TMEM95: variants seen among roughly 807,000 people sequenced by gnomAD.
TMEM95 encodes transmembrane protein 95.
In TMEM95, 21 loss-of-function variants were observed where a neutral mutation model predicts 27.7. The observed-to-expected ratio is 0.76, with a 90% CI of 0.54 to 1.09. TMEM95 has a LOEUF of 1.09. TMEM95 is among the 50% of genes least tolerant of loss of function. The pLI, the probability that TMEM95 is intolerant of heterozygous loss-of-function variation, is 0.00. For missense variants in TMEM95, 203 were observed against 217.9 expected, an observed-to-expected ratio of 0.93 and a Z score of 0.43; for synonymous variants, 77 against 85.7, an observed-to-expected ratio of 0.90 and a Z score of 0.56.
chr17:7,355,271 C>T lies in TMEM95; in HGVS notation c.67C>T (p.Pro23Ser), dbSNP rs1243236722. 6.2e-7 allele frequency: 1 copy of T among 1,614,044 alleles called. No individual in the cohort carries two copies. The highest frequency in any genetic ancestry group is 8.5e-7 in the Non-Finnish European group (1 of 1,179,954). The change falls in exon 1 of 7, where the codon CCA becomes TCA. Residue 23 changes from proline to serine, a missense_variant. Coordinates refer to ENST00000576060, the MANE Select transcript of TMEM95 (RefSeq NM_001320436.2). The surrounding 1 kb of genome is among the most constrained non-coding windows in gnomAD (Gnocchi z 4.9). The stretch of plus-strand genomic sequence containing the variant: ...CCAGGCTTGTGTCTTCTGTCGCCTC[C>T]CAGCCCACGACTTGTCAGGCCGCCT... ...AAQACVFCRL[P>S]AHDLSGRLAR...
chr17:7,355,433 T>G lies in TMEM95; in HGVS notation c.169+60T>G. On this transcript the variant is annotated intron_variant, in intron 1 of 6. Transcript: ENST00000576060. The surrounding 1 kb of genome is among the most constrained non-coding windows in gnomAD (Gnocchi z 4.9). The stretch of plus-strand genomic sequence containing the variant: ...CACTCACCCCCCTACCCCCAGAGGG[T>G]GGCATGTGACCTTCCAGCTGTGCCC... 6.3e-7 allele frequency: 1 copy of G among 1,577,080 alleles called. No homozygotes were observed. Among genetic ancestry groups the G allele is most frequent in the Non-Finnish European group, 8.6e-7 (1 of 1,159,164 alleles).
Position 7,356,901 on chromosome 17 carries a change from C to G in TMEM95, c.*269C>G. The G allele has an allele frequency of 2.0e-6, 1 of 500,654 alleles. No individual in the cohort carries two copies. The highest frequency in any genetic ancestry group is 3.2e-5 in the East Asian group (1 of 31,606). The allele number at this position is 500,654 out of a possible 1,614,324, so 31.0% of individuals were successfully genotyped here. A position where few individuals can be genotyped will look rare whatever the true frequency, so the allele number is the denominator to read the frequency against. On this transcript the variant is annotated 3_prime_UTR_variant, in exon 7 of 7. Coordinates refer to ENST00000576060, the MANE Select transcript of TMEM95 (RefSeq NM_001320436.2). ...AAAGTTCCTCCCCTCCAGCCCTCAACCAATCACATGGCTGTCAACAATGCC... is the reference window on the plus strand; with the variant it reads ...AAAGTTCCTCCCCTCCAGCCCTCAAGCAATCACATGGCTGTCAACAATGCC...
rs779804583 is a variant in TMEM95, at chr17:7,355,246, C to A, written c.42C>A (p.Ala14=). Residue 14 remains alanine, a synonymous_variant, in exon 1 of 7, where the codon GCC becomes GCA. Transcript: ENST00000576060. This position sits in a 1 kb window ranked among gnomAD's most constrained non-coding sequence, Gnocchi z 4.9. ...TAGGCGGGGTTTTCCTGGCAGCCGC[C>A]CAGGCTTGTGTCTTCTGTCGCCTCC... The part of the protein sequence containing the change: ...LALGGVFLAA[A]QACVFCRLPA... 17 of 1,613,876 alleles carry A rather than the reference C, an allele frequency of 1.1e-5. No individual in the cohort carries two copies. The highest frequency in any genetic ancestry group is 1.4e-5 in the Non-Finnish European group (16 of 1,179,916).
At position 7,355,945 on chromosome 17, in the gene TMEM95, G is replaced by A; in HGVS notation, c.307+27G>A. 6.2e-7 allele frequency: 1 copy of A among 1,613,778 alleles called. No individual in the cohort carries two copies. Among genetic ancestry groups the A allele is most frequent in the Non-Finnish European group, 8.5e-7 (1 of 1,179,768 alleles). On this transcript the variant is annotated intron_variant, in intron 3 of 6. Coordinates refer to ENST00000576060, the MANE Select transcript of TMEM95 (RefSeq NM_001320436.2). The surrounding 1 kb of genome is among the most constrained non-coding windows in gnomAD (Gnocchi z 4.9). ...TACCGATGCGGGATGGGCCTCAAGG[G>A]GAGCCTAGGGTCTTAACCAAAGGAA... is the stretch of plus-strand genomic sequence containing the variant.
In TMEM95 at chr17:7,355,261, CTG is replaced by C; in HGVS notation, c.59_60del (p.Cys20SerfsTer38). 6.2e-7 allele frequency: 1 copy of C among 1,613,952 alleles called. No individual in the cohort carries two copies. The highest frequency in any genetic ancestry group is 8.5e-7 in the Non-Finnish European group (1 of 1,179,932). On this transcript the variant is annotated frameshift_variant, in exon 1 of 7. Coordinates refer to ENST00000576060, the MANE Select transcript of TMEM95 (RefSeq NM_001320436.2). LOFTEE classifies it high-confidence loss of function. This position sits in a 1 kb window ranked among gnomAD's most constrained non-coding sequence, Gnocchi z 4.9. ...FLAAAQACVF[C>X]RLPAHDLSGR... ...TGGCAGCCGCCCAGGCTTGTGTCTT[CTG>C]TCGCCTCCCAGCCCACGACTTGTCA...
rs1472953637 is a variant in TMEM95, at chr17:7,355,870, T to C, written c.259T>C (p.Tyr87His). 6.2e-7 allele frequency: 1 copy of C among 1,613,938 alleles called. No individual in the cohort carries two copies. ...IKEAVSSLPSYWSWLRKTKLP... is the reference protein window; with the variant it reads ...IKEAVSSLPSHWSWLRKTKLP... The stretch of plus-strand genomic sequence containing the variant: ...AGAGGCTGTCTCCTCACTCCCTTCA[T>C]ATTGGAGTTGGCTTCGAAAGACCAA... Residue 87 changes from tyrosine (Y) to histidine (H), a missense_variant, in exon 3 of 7, where the codon TAT becomes CAT. Coordinates refer to ENST00000576060, the MANE Select transcript of TMEM95 (RefSeq NM_001320436.2). The surrounding 1 kb of genome is among the most constrained non-coding windows in gnomAD (Gnocchi z 4.9).
At position 7,355,894 on chromosome 17, in the gene TMEM95, A is replaced by G. The variant is rs2073487146; in HGVS notation, c.283A>G (p.Lys95Glu). Reference protein sequence around the residue: ...PSYWSWLRKTKLPEYTREALC... With the variant: ...PSYWSWLRKTELPEYTREALC... Reference sequence around the variant, plus strand: ...ATATTGGAGTTGGCTTCGAAAGACCAAGCTCCCTGAGTACACCAGGGAAGG... The same window carrying G: ...ATATTGGAGTTGGCTTCGAAAGACCGAGCTCCCTGAGTACACCAGGGAAGG... Residue 95 changes from lysine to glutamate, a missense_variant, in exon 3 of 7, where the codon AAG (lysine) becomes GAG (glutamate). Physicochemically the swap from Lys to Glu is moderately conservative, Grantham distance 56. Transcript: ENST00000576060. The surrounding 1 kb of genome is among the most constrained non-coding windows in gnomAD (Gnocchi z 4.9). 1 of 1,613,952 alleles carries G rather than the reference A, an allele frequency of 6.2e-7. No individual in the cohort carries two copies. The highest frequency in any genetic ancestry group is 8.5e-7 in the Non-Finnish European group (1 of 1,179,970).
chr17:7,356,167 C>T (rs765240307), intron 4 of TMEM95, 29 bp from the exon 5 acceptor site: 4 of 1,582,652 alleles, frequency 2.5e-6, no homozygotes, highest in East Asian at 2.2e-5. Context: ...GCCTCCCCTC[C>T]CCAGCGTTGC....
rs200623729 is a variant in TMEM95 at position 7,356,556 on chromosome 17, C to T, written c.498-43C>T. ...ACCCATCCTCCCTCCCTCTGTCCCT[C>T]CCAGGCCCCTCCCGTAGGCTTCCCA... is the stretch of plus-strand genomic sequence containing the variant. On this transcript the variant is annotated intron_variant, in intron 6 of 6. Coordinates refer to ENST00000576060, the MANE Select transcript of TMEM95 (RefSeq NM_001320436.2). 45 of 1,611,404 alleles carry T rather than the reference C, an allele frequency of 2.8e-5. No homozygotes were observed. The African/African-American group carries it at 3.9e-4, about 14-fold the overall frequency.
Position 7,355,821 on chromosome 17 carries a change from G to A in TMEM95, c.227-17G>A, listed in dbSNP as rs367804028. The A allele has an allele frequency of 9.3e-6, 15 of 1,613,466 alleles. No individual in the cohort carries two copies. The highest frequency in any genetic ancestry group is 1.3e-5 in the African/African-American group (1 of 74,934). ...CGTCGAGGCCCAGGGAAACGGAGCT[G>A]CTGTCTGCCTCCCCAGAAATCAAAG... On this transcript the variant is annotated splice_polypyrimidine_tract_variant and intron_variant, in intron 2 of 6. Transcript: ENST00000576060. The surrounding 1 kb of genome is among the most constrained non-coding windows in gnomAD (Gnocchi z 4.9).
At position 7,355,655 on chromosome 17, in the gene TMEM95, G is replaced by A. The variant is rs1436008346; in HGVS notation, c.226+13G>A. 6 of 1,562,938 alleles carry A rather than the reference G, an allele frequency of 3.8e-6. No homozygotes were observed. The highest frequency in any genetic ancestry group is 5.2e-6 in the Non-Finnish European group (6 of 1,152,184). ...CTGAGGGTCATGGGTGAGGTCAAGGGGAAAGAGTGACCTAGGGGCTTGGGA... is the reference window on the plus strand; with the variant it reads ...CTGAGGGTCATGGGTGAGGTCAAGGAGAAAGAGTGACCTAGGGGCTTGGGA... On this transcript the variant is annotated intron_variant, in intron 2 of 6. Transcript: ENST00000576060. This position sits in a 1 kb window ranked among gnomAD's most constrained non-coding sequence, Gnocchi z 4.9.
chr17:7,356,562 C>T, intron 6 of TMEM95, 37 bp from the exon 7 acceptor site: 1 of 1,611,906 alleles, frequency 6.2e-7, no homozygotes, highest in Non-Finnish European at 8.5e-7. Flanking sequence ...CCCTCCCAGG[C>T]CCCTCCCGTA....
rs746076396 is a variant in TMEM95, at chr17:7,356,458, G to T, written c.476G>T (p.Gly159Val). 6.2e-7 allele frequency: 1 copy of T among 1,614,052 alleles called. No homozygotes were observed. The highest frequency in any genetic ancestry group is 2.2e-5 in the East Asian group (1 of 44,862). Reference sequence around the variant, plus strand: ...ATCTTCGGAGCTTTCCTGCTTCTGGGTGTTCTGAGCCTCCTGGTGGAGTGA... The same window carrying T: ...ATCTTCGGAGCTTTCCTGCTTCTGGTTGTTCTGAGCCTCCTGGTGGAGTGA... ...LSIFGAFLLL[G>V]VLSLLVESHH... The change falls in exon 6 of 7, where the codon GGT becomes GTT. Residue 159 changes from glycine to valine, a missense_variant. Transcript: ENST00000576060.
At position 7,356,586 on chromosome 17, in the gene TMEM95, C is replaced by A. The variant is rs748635521; in HGVS notation, c.498-13C>A. On this transcript the variant is annotated splice_polypyrimidine_tract_variant and intron_variant, in intron 6 of 6. Transcript: ENST00000576060. Reference sequence around the variant, plus strand: ...GCCCCTCCCGTAGGCTTCCCACCCTCGTCTTCCCTCAGGTCCCACCACCTC... The same window carrying A: ...GCCCCTCCCGTAGGCTTCCCACCCTAGTCTTCCCTCAGGTCCCACCACCTC... 9 of 1,610,770 alleles carry A rather than the reference C, an allele frequency of 5.6e-6. No homozygotes were observed. Among genetic ancestry groups the A allele is most frequent in the Non-Finnish European group, 7.6e-6 (9 of 1,178,206 alleles).
Position 7,355,730 on chromosome 17 carries a change from G to T in TMEM95, c.226+88G>T. 1.4e-6 allele frequency: 2 copies of T among 1,444,678 alleles called. No homozygotes were observed. The highest frequency in any genetic ancestry group is 2.3e-5 in the South Asian group (2 of 87,122). The allele number at this position is 1,444,678 out of a possible 1,614,324, so 89.5% of individuals were successfully genotyped here. The stretch of plus-strand genomic sequence containing the variant: ...ACAGGGGTTGGGGTGGGCAGGGAAG[G>T]GTGGAGGGGTAGAGACAGGAGGGCT... On this transcript the variant is annotated intron_variant, in intron 2 of 6. Transcript: ENST00000576060. This position sits in a 1 kb window ranked among gnomAD's most constrained non-coding sequence, Gnocchi z 4.9.
chr17:7,355,557 G>T lies in TMEM95; in HGVS notation c.170-29G>T. The T allele has an allele frequency of 6.4e-7, 1 of 1,552,792 alleles. No individual in the cohort carries two copies. The highest frequency in any genetic ancestry group is 1.2e-5 in the South Asian group (1 of 84,384). On this transcript the variant is annotated intron_variant, in intron 1 of 6. Coordinates refer to ENST00000576060, the MANE Select transcript of TMEM95 (RefSeq NM_001320436.2). This position sits in a 1 kb window ranked among gnomAD's most constrained non-coding sequence, Gnocchi z 4.9. The stretch of plus-strand genomic sequence containing the variant: ...GACCCCAGAACCTGGGCTGATGAGG[G>T]AATCGCTGGTCCTTGCCCATCTCCA...
rs1456788122 is a variant in TMEM95, at chr17:7,356,421, C to T, written c.439C>T (p.Leu147=). ...GSQDLWEAKI[L]LLSIFGAFLL... ...TCAGGATCTTTGGGAAGCCAAGATT[C>T]TGCTCCTCTCCATCTTCGGAGCTTT... The change falls in exon 6 of 7, where the codon CTG becomes TTG. Residue 147 remains leucine (L), a synonymous_variant. Coordinates refer to ENST00000576060, the MANE Select transcript of TMEM95 (RefSeq NM_001320436.2). 1.9e-6 allele frequency: 3 copies of T among 1,614,174 alleles called. No individual in the cohort carries two copies. The highest frequency in any genetic ancestry group is 1.1e-5 in the South Asian group (1 of 91,090).
chr17:7,356,372 G>A lies in TMEM95; in HGVS notation c.410-20G>A. 6.2e-7 allele frequency: 1 copy of A among 1,611,130 alleles called. No homozygotes were observed. The highest frequency in any genetic ancestry group is 8.5e-7 in the Non-Finnish European group (1 of 1,178,004). ...CGTGTGGGTCCCAGAATCATTCACT[G>A]CCTCCTGGGTTCCCTGCAGGAAGTC... On this transcript the variant is annotated intron_variant, in intron 5 of 6. Transcript: ENST00000576060.
At position 7,356,258 on chromosome 17, in the gene TMEM95, C is replaced by T. The variant is rs199658290; in HGVS notation, c.391C>T (p.Arg131Ter). The T allele has an allele frequency of 2.4e-5, 37 of 1,572,302 alleles. No homozygotes were observed. Among genetic ancestry groups the T allele is most frequent in the Admixed American group, 5.4e-5 (3 of 55,968 alleles). Residue 131 changes from arginine (R) to a stop codon, truncating the protein, a stop_gained, in exon 5 of 7, where the codon CGA becomes TGA. Transcript: ENST00000576060. LOFTEE classifies it high-confidence loss of function. ...CKGTEVSCWP[R>*]KRCFPGSQDL... ...GGGGACGGAGGTGTCCTGCTGGCCC[C>T]GAAAGCGCTGCTTCCCAGGTCCTCA...
Sources: gnomAD v4.1 joint callset for allele counts on GRCh38, gnomAD v4.1.1 for gene constraint, Gnocchi (gnomAD v3.1) non-coding constraint, MANE v1.5 for transcripts, NCBI Gene and HGNC (gene_info 2026-07-23, HGNC 2026-07-21) for gene names.